PRDM12: variants seen among roughly 807,000 people sequenced by gnomAD.
PRDM12 encodes PR/SET domain 12, also known as PR domain zinc finger protein 12.
A neutral mutation model predicts 29.6 loss-of-function variants in PRDM12; 17 were observed. The ratio of observed to expected loss-of-function variants is 0.57; its 90% CI spans 0.39 to 0.86. PRDM12 has a LOEUF of 0.86. PRDM12 is among the 40% of genes least tolerant of loss of function. The pLI is 0.00. For missense variants in PRDM12, 422 were observed against 510.8 expected (o/e 0.83, Z 1.68); for synonymous variants, 231 against 225.8 (o/e 1.02, Z -0.21).
At chr9:130,677,863 C>T (rs181290388) in intron 3 of PRDM12, among the ~76,000 whole-genome samples, 119 of 152,224 alleles carry the variant, frequency 7.8e-4, no homozygotes, top group African/African-American at 2.7e-3. Context: ...ACATCATTTG[C>T]GGGGTTCTCT....
chr9:130,674,687 T>A (rs1256009859), intron 3 of PRDM12, among the ~76,000 whole-genome samples: 1 of 152,128 alleles, frequency 6.6e-6, no homozygotes, highest in African/African-American at 2.4e-5. Flanking sequence ...CCAGCGACAG[T>A]GGCTGGCATC....
rs769857802 is a variant in PRDM12, at chr9:130,668,415, G to A, written c.570+102G>A. 2.1e-5 allele frequency: 33 copies of A among 1,552,978 alleles called. No individual in the cohort carries two copies. Among genetic ancestry groups the A allele is most frequent in the Non-Finnish European group, 2.9e-5 (33 of 1,140,256 alleles). Reference sequence around the variant, plus strand: ...GTCCAGGAACCACAGTGGACAGAGGGGAGCTGACACTGGCCTCGCTGGCTC... The same window carrying A: ...GTCCAGGAACCACAGTGGACAGAGGAGAGCTGACACTGGCCTCGCTGGCTC... On this transcript the variant is annotated intron_variant, in intron 3 of 4. Transcript: ENST00000253008. This position sits in a 1 kb window ranked among gnomAD's most constrained non-coding sequence, Gnocchi z 4.0.
chr9:130,676,475 G>A (rs955263116), intron 3 of PRDM12, among the ~76,000 whole-genome samples: 12 of 151,962 alleles, frequency 7.9e-5, no homozygotes, highest in African/African-American at 1.7e-4. Context: ...CAGCCTGGGC[G>A]ACAGCGCGAG....
At chr9:130,666,540 C>G (rs1830734448) in intron 1 of PRDM12, 68 bp from the exon 2 acceptor site, 1 of 1,555,292 alleles carries the variant, frequency 6.4e-7, no homozygotes, top group African/African-American at 1.4e-5. Flanking sequence ...GGGGTCCCGG[C>G]GGGGAAGGAA....
chr9:130,666,943 C>T, intron 2 of PRDM12, 145 bp downstream of exon 2: 1 of 1,152,440 alleles, frequency 8.7e-7, no homozygotes, highest in Non-Finnish European at 1.2e-6. Context: ...AGCCGGGACT[C>T]TAAGCCGCCC....
At chr9:130,674,010 CTTTTTTTTTTTTTT>C (rs35863613) in intron 3 of PRDM12, among the ~76,000 whole-genome samples, 5 of 71,848 alleles carry the variant, frequency 7.0e-5, no homozygotes, top group Non-Finnish European at 2.4e-5. Context: ...TTCTTTCTTT[CTTTTTTTTTTTTTT>C]TTTTTTTTGA....
At chr9:130,678,291 G>C (rs778669479) in intron 3 of PRDM12, among the ~76,000 whole-genome samples, 25 of 151,872 alleles carry the variant, frequency 1.6e-4, no homozygotes, top group Non-Finnish European at 3.2e-4. Flanking sequence ...CACTCCTGTG[G>C]CTGGAGCTTG....
Position 130,668,560 on chromosome 9 carries a change from C to T in PRDM12, c.570+247C>T, listed in dbSNP as rs1325736035. The stretch of plus-strand genomic sequence containing the variant: ...AGAAATGATGGAGCTCTCAACTTGA[C>T]GGCATTGGGAATGTCACGAGCATCT... On this transcript the variant is annotated intron_variant, in intron 3 of 4. Coordinates refer to ENST00000253008, the MANE Select transcript of PRDM12 (RefSeq NM_021619.3). This position sits in a 1 kb window ranked among gnomAD's most constrained non-coding sequence, Gnocchi z 4.0. 2.0e-5 allele frequency among the ~76,000 whole-genome samples: 3 copies of T among 152,194 alleles called. No individual in the cohort carries two copies. The South Asian group carries it at 6.2e-4, about 32-fold the overall frequency.
At chr9:130,667,311 C>T (rs1830742806) in intron 2 of PRDM12, among the ~76,000 whole-genome samples, 1 of 152,216 alleles carries the variant, frequency 6.6e-6, no homozygotes, top group African/African-American at 2.4e-5. Context: ...GTGTCCCCAG[C>T]CTGCAGTCAC....
intron 4 of PRDM12, among the ~76,000 whole-genome samples, chr9:130,680,658 TA>T (rs11341710): frequency 0.1 from 9,006 of 88,806 alleles, 398 homozygotes; most frequent in Non-Finnish European, 0.13. Context: ...TATATATATA[TA>T]TTTTTTTTTT....
At position 130,681,805 on chromosome 9, in the gene PRDM12, G is replaced by C; in HGVS notation, c.*136G>C. 1 of 821,852 alleles carries C rather than the reference G, an allele frequency of 1.2e-6. No individual in the cohort carries two copies. Among genetic ancestry groups the C allele is most frequent in the African/African-American group, 1.9e-5 (1 of 53,828 alleles). The allele number at this position is 821,852 out of a possible 1,614,324, so 50.9% of individuals were successfully genotyped here. ...CCCCGCGCGCTGGGGTTGCGCCCCGGAGGCGGATCTCAGGCACCCCCGCCT... is the reference window on the plus strand; with the variant it reads ...CCCCGCGCGCTGGGGTTGCGCCCCGCAGGCGGATCTCAGGCACCCCCGCCT... On this transcript the variant is annotated 3_prime_UTR_variant, in exon 5 of 5. Transcript: ENST00000253008. The surrounding 1 kb of genome is among the most constrained non-coding windows in gnomAD (Gnocchi z 8.1).
intron 3 of PRDM12, among the ~76,000 whole-genome samples, chr9:130,670,663 A>T (rs948999652): frequency 6.6e-6 from 1 of 151,912 alleles, no homozygotes; most frequent in Non-Finnish European, 1.5e-5. Context: ...CCAGATCCTC[A>T]CCCCACCACC....
chr9:130,679,461 T>G (rs911136265), intron 4 of PRDM12, among the ~76,000 whole-genome samples: 7 of 150,778 alleles, frequency 4.6e-5, no homozygotes, highest in African/African-American at 1.7e-4. Context: ...GCCTCCCGAG[T>G]AGTTGGGATT....
At chr9:130,677,227 C>G (rs1830851223) in intron 3 of PRDM12, among the ~76,000 whole-genome samples, 1 of 152,198 alleles carries the variant, frequency 6.6e-6, no homozygotes, top group Admixed American at 6.5e-5. Context: ...GCCCGACCTC[C>G]ACTTTCCCTT....
At chr9:130,669,284 G>T (rs984288161) in intron 3 of PRDM12, among the ~76,000 whole-genome samples, 1 of 151,592 alleles carries the variant, frequency 6.6e-6, no homozygotes, top group African/African-American at 2.4e-5. Context: ...CCGAGATCAC[G>T]CCACTGCACT....
chr9:130,667,531 G>GCC (rs5900904), intron 2 of PRDM12, among the ~76,000 whole-genome samples: 9,700 of 151,028 alleles, frequency 0.064, 341 homozygotes, highest in African/African-American at 0.067. Flanking sequence ...CCCCACTCCA[G>GCC]CTCCCCCCGG....
In PRDM12 at chr9:130,666,802, C is replaced by G. The variant is rs780857953; in HGVS notation, c.414+4C>G. The G allele has an allele frequency of 6.3e-7, 1 of 1,599,550 alleles. No individual in the cohort carries two copies. Among genetic ancestry groups the G allele is most frequent in the East Asian group, 2.3e-5 (1 of 43,888 alleles). On this transcript the variant is annotated splice_donor_region_variant and intron_variant, in intron 2 of 4. Coordinates refer to ENST00000253008, the MANE Select transcript of PRDM12 (RefSeq NM_021619.3). ...GAACAACAACCTCATGTGGGAGGTA[C>G]GCGCGGGCTGGGGCAGAGGGGCGCA...
chr9:130,672,101 T>C (rs1163877481), intron 3 of PRDM12, among the ~76,000 whole-genome samples: 1 of 152,190 alleles, frequency 6.6e-6, no homozygotes, highest in Non-Finnish European at 1.5e-5. Flanking sequence ...TCACAGAATT[T>C]ACTATAACTT....
chr9:130,678,765 C>A, intron 4 of PRDM12, 125 bp downstream of exon 4: 1 of 717,780 alleles, frequency 1.4e-6, no homozygotes, highest in Admixed American at 2.8e-5. Flanking sequence ...CAATGTCTGG[C>A]AGCATTGAGC....
Sources: gnomAD v4.1 joint callset for allele counts (sites outside exome capture counted in the v4.1 genomes callset) on GRCh38, gnomAD v4.1.1 for gene constraint, Gnocchi (gnomAD v3.1) non-coding constraint, MANE v1.5 for transcripts, NCBI Gene and HGNC (gene_info 2026-07-23, HGNC 2026-07-21) for gene names.